The following MINDY4 variants were observed in gnomAD, a reference collection of about 807,000 sequenced individuals.
MINDY4 encodes the protein probable ubiquitin carboxyl-terminal hydrolase MINDY-4.
Under a neutral mutation model 87.0 loss-of-function variants are expected in MINDY4, and 68 were observed. That is an observed-to-expected ratio of 0.78 (90% CI 0.64 to 0.96). The LOEUF (loss-of-function observed/expected upper bound fraction) is 0.96, where lower values mean the gene tolerates loss of function less well. Ranked by LOEUF, MINDY4 falls within the 40% of genes least tolerant of loss-of-function variation. The pLI is 0.00. For synonymous variants in MINDY4, 379 were observed against 363.2 expected, an observed-to-expected ratio of 1.04 and a Z score of -0.50; for missense variants, 919 against 928.2, an observed-to-expected ratio of 0.99 and a Z score of 0.13.
chr7:30,794,369 G>A (rs1002456317), intron 5 of MINDY4, among the ~76,000 whole-genome samples: 8 of 152,128 alleles, frequency 5.3e-5, no homozygotes, highest in African/African-American at 1.9e-4. Context: ...GATGGCATCA[G>A]AGCTGGCCAT....
At chr7:30,809,671 A>G (rs1187225056) in intron 5 of MINDY4, among the ~76,000 whole-genome samples, 2 of 152,228 alleles carry the variant, frequency 1.3e-5, no homozygotes, top group African/African-American at 4.8e-5. Context: ...AAAGTTTGCT[A>G]AAAGTTAACA....
intron 5 of MINDY4, among the ~76,000 whole-genome samples, chr7:30,809,200 G>A (rs920673045): frequency 6.6e-6 from 1 of 152,070 alleles, no homozygotes; most frequent in Non-Finnish European, 1.5e-5. Context: ...TATCCCGAAA[G>A]CACTGAGGCC....
At chr7:30,853,198 C>T (rs778074820) in intron 11 of MINDY4, among the ~76,000 whole-genome samples, 196 bp from the exon 12 acceptor site, 10 of 152,246 alleles carry the variant, frequency 6.6e-5, no homozygotes, top group South Asian at 4.1e-4. Context: ...ACGACTCCAG[C>T]GGTACCGGCC....
At chr7:30,807,891 C>T (rs1010137732) in intron 5 of MINDY4, among the ~76,000 whole-genome samples, 6 of 152,152 alleles carry the variant, frequency 3.9e-5, no homozygotes, top group Non-Finnish European at 5.9e-5. Flanking sequence ...TCGGGGAGCT[C>T]GGTTGTTGGA....
chr7:30,851,373 ATTAC>A (rs1431962392), intron 10 of MINDY4, among the ~76,000 whole-genome samples: 7 of 152,228 alleles, frequency 4.6e-5, no homozygotes, highest in African/African-American at 1.2e-4. Flanking sequence ...GATTATAACA[ATTAC>A]TTACTTGGAT....
Position 30,840,810 on chromosome 7 carries a change from A to C in MINDY4, c.1407A>C (p.Lys469Asn), listed in dbSNP as rs1419006872. 3.1e-6 allele frequency: 5 copies of C among 1,613,786 alleles called. No homozygotes were observed. The highest frequency in any genetic ancestry group is 1.7e-5 in the Admixed American group (1 of 59,958). Residue 469 changes from lysine to asparagine, a missense_variant, in exon 9 of 18, where the codon AAA becomes AAC. Lys to Asn is a moderately conservative substitution (Grantham distance 94). Coordinates refer to ENST00000265299, the MANE Select transcript of MINDY4 (RefSeq NM_032222.3). The stretch of plus-strand genomic sequence containing the variant: ...CTGTCCAAGGCTGTGTCCTACAGAA[A>C]CTCCTGTTTGAAGGAGATAGCAAAG... ...LAAVQGCVLQ[K>N]LLFEGDSKAD...
chr7:30,847,397 A>G (rs938424223), intron 9 of MINDY4, among the ~76,000 whole-genome samples: 4 of 152,198 alleles, frequency 2.6e-5, no homozygotes, highest in Middle Eastern at 3.2e-3. Flanking sequence ...CCCAAGAGCA[A>G]GATCTCTTGA....
At chr7:30,821,980 C>T (rs184434420) in intron 5 of MINDY4, among the ~76,000 whole-genome samples, 119 of 152,240 alleles carry the variant, frequency 7.8e-4, no homozygotes, top group African/African-American at 2.7e-3. Context: ...TTCTTTCTCT[C>T]TCTTTCTCTC....
chr7:30,835,434 A>G (rs1788828190), intron 6 of MINDY4, among the ~76,000 whole-genome samples: 1 of 152,236 alleles, frequency 6.6e-6, no homozygotes, highest in Admixed American at 6.5e-5. Flanking sequence ...TATGGGAGTT[A>G]CAAAATGAAA....
At chr7:30,816,804 G>A (rs1438947860) in intron 5 of MINDY4, among the ~76,000 whole-genome samples, 1 of 152,186 alleles carries the variant, frequency 6.6e-6, no homozygotes, top group Non-Finnish European at 1.5e-5. Context: ...CAAGCAGAGA[G>A]CTTTTCTCAC....
At chr7:30,846,398 A>G (rs571194133) in intron 9 of MINDY4, among the ~76,000 whole-genome samples, 1 of 152,138 alleles carries the variant, frequency 6.6e-6, no homozygotes, top group Non-Finnish European at 1.5e-5. Context: ...AAGATCATTT[A>G]TTTTCCCTAT....
At chr7:30,863,249 T>C (rs777686017) in intron 13 of MINDY4, among the ~76,000 whole-genome samples, 1 of 152,242 alleles carries the variant, frequency 6.6e-6, no homozygotes, top group Non-Finnish European at 1.5e-5. Flanking sequence ...CAGCTGAGTC[T>C]CCAGGACCAA....
intron 5 of MINDY4, among the ~76,000 whole-genome samples, chr7:30,825,271 A>G (rs1471721699): frequency 2.0e-5 from 3 of 152,246 alleles, no homozygotes; most frequent in Non-Finnish European, 4.4e-5. Context: ...CAATAAGTAC[A>G]TTCTCTATGT....
At chr7:30,805,641 G>A (rs937974111) in intron 5 of MINDY4, among the ~76,000 whole-genome samples, 6 of 152,136 alleles carry the variant, frequency 3.9e-5, no homozygotes, top group African/African-American at 1.4e-4. Context: ...GGAGGTCACT[G>A]GGCCTGGTGA....
intron 5 of MINDY4, among the ~76,000 whole-genome samples, chr7:30,813,092 T>C (rs1788051290): frequency 6.6e-6 from 1 of 152,124 alleles, no homozygotes; most frequent in South Asian, 2.1e-4. Flanking sequence ...GAGTGCAGCT[T>C]GGAGAACCAA....
intron 5 of MINDY4, among the ~76,000 whole-genome samples, chr7:30,821,360 T>C (rs1788323827): frequency 6.6e-6 from 1 of 152,238 alleles, no homozygotes; most frequent in Non-Finnish European, 1.5e-5. Context: ...TTCTTACTTT[T>C]AGTGATGTTT....
At chr7:30,812,587 G>C (rs1365797069) in intron 5 of MINDY4, among the ~76,000 whole-genome samples, 1 of 152,210 alleles carries the variant, frequency 6.6e-6, no homozygotes, top group Non-Finnish European at 1.5e-5. Flanking sequence ...AAAACACGCT[G>C]AGGGAGCAGC....
chr7:30,859,822 C>T (rs1210207952), intron 13 of MINDY4, among the ~76,000 whole-genome samples: 2 of 152,054 alleles, frequency 1.3e-5, no homozygotes, highest in East Asian at 3.9e-4. Flanking sequence ...GGTGGCAGGG[C>T]GGCTTGTCCT....
intron 3 of MINDY4, among the ~76,000 whole-genome samples, chr7:30,782,621 T>C (rs1171531976): frequency 2.0e-5 from 3 of 152,064 alleles, no homozygotes; most frequent in African/African-American, 4.8e-5. Context: ...GAAGATCACC[T>C]GAGCCCAGGA....
Sources: gnomAD v4.1 joint callset for allele counts (sites outside exome capture counted in the v4.1 genomes callset) on GRCh38, gnomAD v4.1.1 for gene constraint, MANE v1.5 for transcripts, NCBI Gene and HGNC (gene_info 2026-07-23, HGNC 2026-07-21) for gene names.